Variants in SOX6 observed in about 807,000 individuals in gnomAD.
The protein encoded by SOX6 is transcription factor SOX-6.
Under a neutral mutation model 97.8 loss-of-function variants are expected in SOX6, and 11 were observed. That is an observed-to-expected ratio of 0.11 (90% confidence interval 0.07 to 0.19). SOX6 has a LOEUF of 0.19. Ranked by LOEUF, SOX6 falls within the 10% of genes least tolerant of loss-of-function variation. SOX6 has a pLI of 1.00. For synonymous variants in SOX6, 360 were observed against 371.4 expected, an observed-to-expected ratio of 0.97 and a Z score of 0.35; for missense variants, 810 against 1,039.5, an observed-to-expected ratio of 0.78 and a Z score of 3.04.
At chr11:16,085,608 C>T (rs2133960804) in intron 9 of SOX6, among the ~76,000 whole-genome samples, 1 of 152,278 alleles carries the variant, frequency 6.6e-6, no homozygotes, top group East Asian at 1.9e-4. Context: ...TCTCTCAGGT[C>T]AGCCTCTCAC....
At chr11:16,297,592 T>C (rs949932665) in intron 3 of SOX6, among the ~76,000 whole-genome samples, 4 of 152,170 alleles carry the variant, frequency 2.6e-5, no homozygotes, top group African/African-American at 4.8e-5. Context: ...TTCCAGCTCC[T>C]GTCTTTTCAG....
At chr11:16,277,231 G>A (rs1269202740) in intron 3 of SOX6, among the ~76,000 whole-genome samples, 1 of 152,076 alleles carries the variant, frequency 6.6e-6, no homozygotes, top group Admixed American at 6.6e-5. Flanking sequence ...GTTTAGATGA[G>A]ATCATGAAGG....
intron 1 of SOX6, among the ~76,000 whole-genome samples, chr11:16,435,983 C>T (rs1859368950): frequency 6.6e-6 from 1 of 152,150 alleles, no homozygotes; most frequent in Admixed American, 6.5e-5. Flanking sequence ...TATCCCTCTA[C>T]CACTATTTCC....
At chr11:16,641,917 A>G in intron 3 of SOX6, among the ~76,000 whole-genome samples, 1 of 152,178 alleles carries the variant, frequency 6.6e-6, no homozygotes, top group Admixed American at 6.5e-5. Flanking sequence ...CTTAAGGTTA[A>G]TATTGTTATG....
intron 8 of SOX6, among the ~76,000 whole-genome samples, chr11:16,096,330 A>T (rs1848793385): frequency 6.6e-6 from 1 of 151,822 alleles, no homozygotes; most frequent in Admixed American, 6.6e-5. Context: ...ACTCAAGAAG[A>T]TACTCAATAG....
At chr11:16,350,466 A>G (rs1167791724) in intron 1 of SOX6, among the ~76,000 whole-genome samples, 1 of 152,196 alleles carries the variant, frequency 6.6e-6, no homozygotes, top group Non-Finnish European at 1.5e-5. Flanking sequence ...CAAATAATAT[A>G]ATACAATTTT....
upstream of SOX6, among the ~76,000 whole-genome samples, chr11:16,480,371 T>C (rs904266986): frequency 1.3e-5 from 2 of 151,968 alleles, no homozygotes; most frequent in African/African-American, 4.8e-5. Flanking sequence ...GCTATTAGTC[T>C]GGGAGCAAAA....
At chr11:16,602,610 A>C (rs1052738229) in intron 4 of SOX6, among the ~76,000 whole-genome samples, 1 of 152,342 alleles carries the variant, frequency 6.6e-6, no homozygotes, top group East Asian at 1.9e-4. Flanking sequence ...ATCAGTCATA[A>C]CTTTTCTCCT....
At chr11:16,483,420 C>T (rs1441186791) in intron 4 of SOX6, among the ~76,000 whole-genome samples, 1 of 151,922 alleles carries the variant, frequency 6.6e-6, no homozygotes, top group Non-Finnish European at 1.5e-5. Context: ...ATTACAGTTA[C>T]AAGCAGTTAA....
At chr11:16,551,668 A>G (rs113818630) in intron 4 of SOX6, among the ~76,000 whole-genome samples, 50 of 152,170 alleles carry the variant, frequency 3.3e-4, no homozygotes, top group African/African-American at 1.2e-3. Context: ...CAGTGGTGCA[A>G]CCTTGGCTCA....
intron 3 of SOX6, among the ~76,000 whole-genome samples, chr11:16,263,732 A>G (rs1163582837): frequency 2.4e-5 from 3 of 126,422 alleles, no homozygotes; most frequent in African/African-American, 8.6e-5. Flanking sequence ...TTTTGCATAT[A>G]AAAACTCATG....
Position 15,977,943 on chromosome 11 carries a change from G to T in SOX6, c.2184-4831C>A, listed in dbSNP as rs996837760. 5.9e-5 allele frequency among the ~76,000 whole-genome samples: 9 copies of T among 151,934 alleles called. 1 individual carries two copies. In the South Asian group the frequency reaches 1.9e-3, roughly 31 times the overall value. On this transcript the variant is annotated intron_variant, in intron 15 of 15. Coordinates refer to ENST00000683767, the MANE Select transcript of SOX6 (RefSeq NM_001367873.1). ...ACTTTTCACAAACTCCCACTGTCAC[G>T]TTGACTGGCCTCCCTGTATCTGTGC... is the stretch of plus-strand genomic sequence containing the variant.
intron 2 of SOX6, among the ~76,000 whole-genome samples, chr11:16,729,791 A>G (rs1564879412): frequency 2.0e-5 from 3 of 152,152 alleles, no homozygotes; most frequent in Admixed American, 6.5e-5. Context: ...CAAATTGGAT[A>G]AAGAGTCAAT....
intron 3 of SOX6, among the ~76,000 whole-genome samples, chr11:16,673,300 A>C (rs1473749484): frequency 6.6e-6 from 1 of 152,182 alleles, no homozygotes; most frequent in Non-Finnish European, 1.5e-5. Flanking sequence ...AAGAATACAA[A>C]AGAACAATGA....
chr11:16,647,475 G>A (rs1849031238), intron 3 of SOX6, among the ~76,000 whole-genome samples: 1 of 152,116 alleles, frequency 6.6e-6, no homozygotes, highest in Non-Finnish European at 1.5e-5. Flanking sequence ...GCAACTTCTG[G>A]AGAAGCGGGA....
intron 4 of SOX6, among the ~76,000 whole-genome samples, chr11:16,611,125 G>A (rs771758310): frequency 9.9e-5 from 15 of 152,212 alleles, no homozygotes; most frequent in Non-Finnish European, 1.9e-4. Flanking sequence ...TGCTAACTTT[G>A]GCCTCGCACC....
Position 16,692,074 on chromosome 11 carries a change from TGTGTGTGTGTGTGTGC to T in SOX6, n.429+22740_429+22755del, listed in dbSNP as rs1244353046. On this transcript the variant is annotated intron_variant and non_coding_transcript_variant, in intron 3 of 5. Coordinates refer to the SOX6 transcript ENST00000524520. ...GCGTGTGCGTGTGTGTGTGTGTGTGTGTGTGTGTGTGTGTGCGCGCGCGCGCTTTCTGAGTCTTGCT... is the reference window on the plus strand; with the variant it reads ...GCGTGTGCGTGTGTGTGTGTGTGTGTGCGCGCGCGCTTTCTGAGTCTTGCT... Among the ~76,000 whole-genome samples the T allele has an allele frequency of 3.5e-3, 460 of 130,108 alleles. 4 individuals are homozygous for T. The highest frequency in any genetic ancestry group is 0.012 in the African/African-American group (445 of 36,438). 85.4% of individuals were successfully genotyped at this position (130,108 alleles called of 152,430 possible).
At chr11:16,201,572 A>G (rs1048596196) in intron 4 of SOX6, among the ~76,000 whole-genome samples, 1 of 150,598 alleles carries the variant, frequency 6.6e-6, no homozygotes, top group Non-Finnish European at 1.5e-5. Flanking sequence ...TATAGGTTCT[A>G]ATAATCTTGG....
In SOX6 at chr11:16,581,202, C is replaced by A. The variant is rs767233575; in HGVS notation, n.609+30879G>T. On this transcript the variant is annotated intron_variant and non_coding_transcript_variant, in intron 4 of 5. Transcript: ENST00000524520. ...CAAGGACATGGAGCCAACCCAAATGCCCATCAATGATAGGCTGGATAAAGA... is the reference window on the plus strand; with the variant it reads ...CAAGGACATGGAGCCAACCCAAATGACCATCAATGATAGGCTGGATAAAGA... Among the ~76,000 whole-genome samples the A allele has an allele frequency of 1.1e-3, 171 of 152,152 alleles. 1 individual carries two copies. Among genetic ancestry groups the A allele is most frequent in the African/African-American group, 3.9e-3 (163 of 41,506 alleles).
Sources: gnomAD v4.1 joint callset for allele counts (sites outside exome capture counted in the v4.1 genomes callset) on GRCh38, gnomAD v4.1.1 for gene constraint, MANE v1.5 for transcripts, NCBI Gene and HGNC (gene_info 2026-07-23, HGNC 2026-07-21) for gene names.